Variants in ULK4 observed in about 807,000 individuals in gnomAD.
ULK4 encodes the protein inactive serine/threonine-protein kinase ULK4.
ULK4 carries 133 observed loss-of-function variants against 160.6 expected under a neutral mutation model. The observed-to-expected ratio is 0.83, with a 90% CI of 0.72 to 0.96. The LOEUF is 0.96. Ranked by LOEUF, ULK4 falls within the 40% of genes least tolerant of loss-of-function variation. The pLI is 0.00. For synonymous variants in ULK4, 534 were observed against 539.8 expected (o/e 0.99, Z 0.15); for missense variants, 1,580 against 1,499.5 (o/e 1.05, Z -0.89).
At chr3:41,959,296 G>A (rs1174986561) in intron 1 of ULK4, among the ~76,000 whole-genome samples, 3 of 150,098 alleles carry the variant, frequency 2.0e-5, no homozygotes, top group African/African-American at 4.9e-5. Flanking sequence ...CCCGGGAGGC[G>A]GAGGCTGCAG....
intron 34 of ULK4, among the ~76,000 whole-genome samples, chr3:41,451,438 G>A (rs1306511402): frequency 2.6e-5 from 4 of 151,638 alleles, no homozygotes; most frequent in African/African-American, 7.3e-5. Flanking sequence ...AGAGGATAAG[G>A]CTAAAAATCA....
intron 21 of ULK4, among the ~76,000 whole-genome samples, chr3:41,770,693 A>G (rs1328905888): frequency 1.3e-5 from 2 of 151,990 alleles, no homozygotes; most frequent in African/African-American, 4.8e-5. Context: ...TTGTATTTTT[A>G]GTAGAGACAG....
chr3:41,775,226 G>C (rs1039397830), intron 21 of ULK4, among the ~76,000 whole-genome samples: 3 of 149,632 alleles, frequency 2.0e-5, no homozygotes, highest in Admixed American at 6.6e-5. Flanking sequence ...AATAATAAAA[G>C]TAATAAAAAT....
chr3:41,503,694 G>A (rs552811355), intron 32 of ULK4, among the ~76,000 whole-genome samples: 3 of 152,078 alleles, frequency 2.0e-5, no homozygotes, highest in South Asian at 4.2e-4. Flanking sequence ...AGTAGAACAC[G>A]TATGTAATTA....
intron 22 of ULK4, among the ~76,000 whole-genome samples, chr3:41,752,528 CA>C (rs145084435): frequency 0.01 from 1,599 of 152,290 alleles, 23 homozygotes; most frequent in African/African-American, 0.036. Flanking sequence ...GGAAATTCCA[CA>C]CCCCTCAATT....
chr3:41,317,889 T>C (rs1191095386), intron 35 of ULK4, among the ~76,000 whole-genome samples: 3 of 152,178 alleles, frequency 2.0e-5, no homozygotes, highest in Non-Finnish European at 4.4e-5. Flanking sequence ...AGGCCTGAGG[T>C]TGGGAAAGTT....
intron 18 of ULK4, among the ~76,000 whole-genome samples, chr3:41,820,414 G>C (rs1038575113): frequency 6.6e-6 from 1 of 152,070 alleles, no homozygotes; most frequent in African/African-American, 2.4e-5. Context: ...AATCAACTTA[G>C]GTGCCCATCA....
chr3:41,837,843 G>A (rs1044855200), intron 17 of ULK4, among the ~76,000 whole-genome samples: 2 of 152,172 alleles, frequency 1.3e-5, no homozygotes, highest in Non-Finnish European at 2.9e-5. Context: ...TTACAGGTAC[G>A]AGCCACTGTG....
At chr3:41,773,980 C>G (rs1290403957) in intron 21 of ULK4, among the ~76,000 whole-genome samples, 6 of 152,094 alleles carry the variant, frequency 3.9e-5, no homozygotes, top group African/African-American at 1.2e-4. Context: ...AAAAGGATTC[C>G]CTATTTAATA....
At chr3:41,856,577 GTATATATATACACA>G (rs1553675332) in intron 17 of ULK4, among the ~76,000 whole-genome samples, 3 of 58,320 alleles carry the variant, frequency 5.1e-5, no homozygotes, top group South Asian at 4.3e-4. Flanking sequence ...ATATATATGT[GTATATATATACACA>G]TATATATATA....
chr3:41,918,414 G>C (rs781520068), intron 7 of ULK4, 43 bp downstream of exon 7: 1 of 1,367,152 alleles, frequency 7.3e-7, no homozygotes, highest in South Asian at 1.3e-5. Flanking sequence ...CCTTTAATCA[G>C]TGTAAAATGT....
intron 31 of ULK4, among the ~76,000 whole-genome samples, chr3:41,605,675 C>A (rs190939262): frequency 6.6e-6 from 1 of 152,124 alleles, no homozygotes; most frequent in African/African-American, 2.4e-5. Flanking sequence ...GACCCTGTCA[C>A]CCCTCTCTCA....
At chr3:41,759,588 C>G (rs1255617341) in intron 21 of ULK4, among the ~76,000 whole-genome samples, 4 of 152,136 alleles carry the variant, frequency 2.6e-5, no homozygotes, top group Non-Finnish European at 4.4e-5. Context: ...AATGCAACTT[C>G]AATCAAAATC....
intron 25 of ULK4, among the ~76,000 whole-genome samples, chr3:41,708,526 G>T (rs1057026881): frequency 6.6e-6 from 1 of 152,096 alleles, no homozygotes; most frequent in African/African-American, 2.4e-5. Context: ...TGGGGGTAGG[G>T]GAAAGACATT....
rs1172043366 is a variant in ULK4 at position 41,938,182 on chromosome 3, C to A, written c.154G>T (p.Glu52Ter). Residue 52 changes from glutamate (E) to a stop codon, truncating the protein, a stop_gained, in exon 3 of 37, where the codon GAA (glutamate) becomes TAA (stop). Transcript: ENST00000301831. LOFTEE classifies it high-confidence loss of function. ...EITNWVRLTR[E>*]IKHKNIVTFH... ...GTTACAATATTCTTGTGTTTTATTT[C>A]ACGGGTGAGACGGACCTATAAAAAC... 6.2e-7 allele frequency: 1 copy of A among 1,612,654 alleles called. No homozygotes were observed. The highest frequency in any genetic ancestry group is 1.7e-5 in the Admixed American group (1 of 59,936).
At chr3:41,657,834 A>AAAAAAAAAAAAAAAAAAAAAAAAC (rs1553628520) in intron 30 of ULK4, among the ~76,000 whole-genome samples, 1 of 149,964 alleles carries the variant, frequency 6.7e-6, no homozygotes, top group African/African-American at 2.5e-5. Context: ...AAAAAAAAAA[A>AAAAAAAAAAAAAAAAAAAAAAAAC]ACACACACCA....
At chr3:41,850,910 T>C (rs1347663230) in intron 17 of ULK4, among the ~76,000 whole-genome samples, 1 of 152,224 alleles carries the variant, frequency 6.6e-6, no homozygotes, top group Non-Finnish European at 1.5e-5. Context: ...TGGTATTGCC[T>C]AGGTTTTCTT....
At chr3:41,315,012 A>G (rs909606148) in intron 35 of ULK4, among the ~76,000 whole-genome samples, 3 of 152,220 alleles carry the variant, frequency 2.0e-5, no homozygotes, top group Non-Finnish European at 4.4e-5. Flanking sequence ...ATTTAAAATT[A>G]CTTATAAATT....
chr3:41,591,679 C>A (rs113584751), intron 31 of ULK4, among the ~76,000 whole-genome samples: 7 of 152,232 alleles, frequency 4.6e-5, no homozygotes, highest in African/African-American at 1.7e-4. Flanking sequence ...ATTTAAATTT[C>A]TTTAACTGGA....
Sources: allele counts gnomAD v4.1 joint callset (sites outside exome capture counted in the v4.1 genomes callset), GRCh38; gene constraint gnomAD v4.1.1; transcripts MANE v1.5; gene names NCBI Gene and HGNC (gene_info 2026-07-23, HGNC 2026-07-21).